OCIAD1: variants seen among roughly 807,000 people sequenced by gnomAD.
OCIAD1 encodes the protein OCIA domain containing 1.
Under a neutral mutation model 38.9 loss-of-function variants are expected in OCIAD1, and 29 were observed. The observed-to-expected ratio is 0.74, with a 90% CI of 0.55 to 1.02. OCIAD1 has a LOEUF of 1.02. Among genes scored for constraint, OCIAD1 ranks in the 50% least tolerant of loss-of-function variants. OCIAD1 has a pLI of 0.00. For synonymous variants in OCIAD1, 110 were observed against 92.0 expected (o/e 1.20, Z -1.12); for missense variants, 288 against 289.6 (o/e 0.99, Z 0.04).
intron 1 of OCIAD1, among the ~76,000 whole-genome samples, chr4:48,825,889 G>A (rs1258361548): frequency 1.3e-5 from 2 of 151,348 alleles, no homozygotes; most frequent in African/African-American, 4.9e-5. Context: ...CCAGGCTGGA[G>A]TGCAGTAGTA....
chr4:48,817,444 C>G (rs1203864287), intron 1 of OCIAD1, among the ~76,000 whole-genome samples: 1 of 152,132 alleles, frequency 6.6e-6, no homozygotes, highest in Admixed American at 6.5e-5. Flanking sequence ...TTTTTGCACT[C>G]TGCAGATCAG....
rs574845390 is a variant in OCIAD1 at position 48,836,393 on chromosome 4, A to T, written c.139+2912A>T. Among the ~76,000 whole-genome samples, 3 of 152,366 alleles carry T rather than the reference A, an allele frequency of 2.0e-5. No individual in the cohort carries two copies. In the South Asian group the frequency reaches 6.2e-4, roughly 32 times the overall value. On this transcript the variant is annotated intron_variant, in intron 3 of 8. Coordinates refer to ENST00000264312, the MANE Select transcript of OCIAD1 (RefSeq NM_017830.4). The stretch of plus-strand genomic sequence containing the variant: ...AATGATACCTCTGAATAAAAGGTTC[A>T]TTTAGAAGGAGTTCTTGTTTGAAGA...
At chr4:48,844,020 G>A (rs1269309186) in intron 4 of OCIAD1, among the ~76,000 whole-genome samples, 1 of 152,192 alleles carries the variant, frequency 6.6e-6, no homozygotes, top group Non-Finnish European at 1.5e-5. Flanking sequence ...AGTTGTAGGT[G>A]TTCAAAGAAG....
At chr4:48,811,356 T>C (rs1209369063) in intron 1 of OCIAD1, among the ~76,000 whole-genome samples, 1 of 152,144 alleles carries the variant, frequency 6.6e-6, no homozygotes, top group Non-Finnish European at 1.5e-5. Flanking sequence ...GCTTCCCATT[T>C]CTCCAATAAA....
intron 1 of OCIAD1, among the ~76,000 whole-genome samples, chr4:48,816,983 G>T (rs912342943): frequency 6.6e-6 from 1 of 152,148 alleles, no homozygotes; most frequent in African/African-American, 2.4e-5. Flanking sequence ...CAAAAAAAGG[G>T]GTGGGAGAGG....
upstream of OCIAD1, among the ~76,000 whole-genome samples, chr4:48,828,240 C>G (rs1777270695): frequency 6.6e-6 from 1 of 152,004 alleles, no homozygotes; most frequent in Admixed American, 6.6e-5. Context: ...TTGTGTCTAG[C>G]TAAAGGATTG....
At chr4:48,808,077 A>G (rs2109484809) in intron 1 of OCIAD1, among the ~76,000 whole-genome samples, 1 of 152,348 alleles carries the variant, frequency 6.6e-6, no homozygotes, top group East Asian at 1.9e-4. Context: ...CCAGACAAAT[A>G]CATCCAACTG....
At chr4:48,829,753 C>G (rs1011841070), upstream of OCIAD1, among the ~76,000 whole-genome samples, 4 of 152,102 alleles carry the variant, frequency 2.6e-5, no homozygotes, top group Non-Finnish European at 4.4e-5. Flanking sequence ...GTCCCAGGAA[C>G]AAAATGAGTA....
At chr4:48,833,209 G>A (rs1280629130) in intron 2 of OCIAD1, among the ~76,000 whole-genome samples, 192 bp from the exon 3 acceptor site, 5 of 152,070 alleles carry the variant, frequency 3.3e-5, no homozygotes, top group Non-Finnish European at 4.4e-5. Context: ...CCGAGATCGC[G>A]CCATTGCACT....
upstream of OCIAD1, among the ~76,000 whole-genome samples, chr4:48,830,043 G>A (rs1046704676): frequency 3.9e-5 from 6 of 152,206 alleles, no homozygotes; most frequent in African/African-American, 1.4e-4. Context: ...AAAGCAGGGA[G>A]TAGAGTTGTA....
intron 3 of OCIAD1, among the ~76,000 whole-genome samples, chr4:48,838,566 T>A (rs372274784): frequency 6.6e-6 from 1 of 152,256 alleles, no homozygotes; most frequent in Non-Finnish European, 1.5e-5. Context: ...AGAAGGATGA[T>A]AATCATACAT....
chr4:48,808,532 G>C (rs1338504908), intron 1 of OCIAD1, among the ~76,000 whole-genome samples: 2 of 151,972 alleles, frequency 1.3e-5, no homozygotes, highest in Non-Finnish European at 2.9e-5. Flanking sequence ...ATAATCCCCT[G>C]AGGGCTGCTC....
intron 1 of OCIAD1, among the ~76,000 whole-genome samples, chr4:48,814,396 C>T (rs1777123461): frequency 6.7e-6 from 1 of 150,044 alleles, no homozygotes; most frequent in Admixed American, 6.6e-5. Context: ...AAACTCTCCT[C>T]TAACTTTTGA....
In OCIAD1 at chr4:48,823,729, C is replaced by T. The variant is rs191308725; in HGVS notation, c.-102-6848C>T. Among the ~76,000 whole-genome samples, 32 of 149,652 alleles carry T rather than the reference C, an allele frequency of 2.1e-4. 1 individual carries two copies. In the East Asian group the frequency reaches 5.3e-3, roughly 25 times the overall value. ...CCAGGCTGGAGTGCAGTGGCATTATCATAGCTCACTGGAGCCTTAAATCCC... is the reference window on the plus strand; with the variant it reads ...CCAGGCTGGAGTGCAGTGGCATTATTATAGCTCACTGGAGCCTTAAATCCC... On this transcript the variant is annotated intron_variant, in intron 1 of 6. Transcript: ENST00000504654.
chr4:48,848,528 TACTC>T (rs1579091070), intron 5 of OCIAD1, 82 bp downstream of exon 5: 1 of 647,930 alleles, frequency 1.5e-6, no homozygotes, highest in Non-Finnish European at 2.6e-6. Flanking sequence ...TATCATGTCT[TACTC>T]ATATTAGTTA....
intron 1 of OCIAD1, among the ~76,000 whole-genome samples, chr4:48,806,430 C>G (rs1477242035): frequency 6.6e-6 from 1 of 150,946 alleles, no homozygotes; most frequent in African/African-American, 2.4e-5. Flanking sequence ...TTCTTTTTCT[C>G]TTTTCTACTC....
upstream of OCIAD1, chr4:48,830,917 C>T (rs768460238): frequency 1.3e-5 from 2 of 156,460 alleles, no homozygotes; most frequent in Non-Finnish European, 2.9e-5. Flanking sequence ...CTTGGTCCGC[C>T]GCTGTCGCCT....
At chr4:48,850,199 C>T (rs1261143937) in intron 6 of OCIAD1, 117 bp downstream of exon 6, 23 of 1,056,780 alleles carry the variant, frequency 2.2e-5, no homozygotes, top group Non-Finnish European at 2.5e-5. Flanking sequence ...TTGCCATTTG[C>T]TGTAGGCTAA....
intron 7 of OCIAD1, chr4:48,856,340 A>G (rs567454615): frequency 1.3e-5 from 2 of 152,324 alleles, no homozygotes; most frequent in South Asian, 4.1e-4. Flanking sequence ...AACAACACAT[A>G]TTCTGATTAA....
Sources: allele counts gnomAD v4.1 joint callset (sites outside exome capture counted in the v4.1 genomes callset), GRCh38; gene constraint gnomAD v4.1.1; transcripts MANE v1.5; gene names NCBI Gene and HGNC (gene_info 2026-07-23, HGNC 2026-07-21).